The following ITPKA variants were observed in gnomAD, a reference collection of about 807,000 sequenced individuals.
ITPKA encodes IP3 3-kinase A.
Under a neutral mutation model 40.7 loss-of-function variants are expected in ITPKA, and 16 were observed. That is an observed-to-expected ratio of 0.39 (90% confidence interval 0.27 to 0.60). The LOEUF (loss-of-function observed/expected upper bound fraction) is 0.60, where lower values mean the gene tolerates loss of function less well. ITPKA is among the 20% of genes least tolerant of loss of function. ITPKA has a pLI of 0.50. For missense variants in ITPKA, 540 were observed against 649.3 expected (o/e 0.83, Z 1.83); for synonymous variants, 313 against 289.9 (o/e 1.08, Z -0.81).
chr15:41,502,595 C>T, intron 5 of ITPKA, 92 bp downstream of exon 5: 5 of 934,988 alleles, frequency 5.3e-6, no homozygotes, highest in Non-Finnish European at 8.5e-6. Context: ...GCTGTGTCCC[C>T]ACCATGGCCC....
rs2051140594 is a variant in ITPKA at position 41,503,455 on chromosome 15, T to C, written c.*289T>C. The C allele has an allele frequency of 1.6e-6, 1 of 622,988 alleles. No individual in the cohort carries two copies. Among genetic ancestry groups the C allele is most frequent in the Non-Finnish European group, 3.0e-6 (1 of 333,644 alleles). The allele number at this position is 622,988 out of a possible 1,614,324, so 38.6% of individuals were successfully genotyped here. A position where few individuals can be genotyped will look rare whatever the true frequency, so the allele number is the denominator to read the frequency against. Reference sequence around the variant, plus strand: ...GAGGAGGCTCTGCCCTCTCCAGAGGTGCCAGACCGCGGATTTTATTTAGCA... The same window carrying C: ...GAGGAGGCTCTGCCCTCTCCAGAGGCGCCAGACCGCGGATTTTATTTAGCA... On this transcript the variant is annotated 3_prime_UTR_variant, in exon 7 of 7. Transcript: ENST00000260386.
chr15:41,495,273 G>A (rs1340509186), intron 1 of ITPKA, among the ~76,000 whole-genome samples: 4 of 152,228 alleles, frequency 2.6e-5, no homozygotes, highest in African/African-American at 9.6e-5. Context: ...TTGAATAACT[G>A]TCCGTGGTCA....
In ITPKA at chr15:41,503,154, G is replaced by A. The variant is rs2051134810; in HGVS notation, c.1374G>A (p.Leu458=). ...LDNLIGILAS[L]AER is the part of the protein sequence containing the mutation. ...ATCTCATTGGCATCCTGGCCAGCCT[G>A]GCTGAGAGATGAGGCTGGACTCCTG... Residue 458 remains leucine, a synonymous_variant, in exon 7 of 7, where the codon CTG becomes CTA. Coordinates refer to ENST00000260386, the MANE Select transcript of ITPKA (RefSeq NM_002220.3). 3 of 1,586,014 alleles carry A rather than the reference G, an allele frequency of 1.9e-6. No homozygotes were observed. In the African/African-American group the frequency reaches 4.0e-5, roughly 21 times the overall value.
chr15:41,500,631 C>T (rs2051102919), intron 1 of ITPKA, among the ~76,000 whole-genome samples: 1 of 152,148 alleles, frequency 6.6e-6, no homozygotes, highest in Non-Finnish European at 1.5e-5. Flanking sequence ...ATAGTTATTT[C>T]CTCATTTTAT....
chr15:41,498,327 AGT>A (rs2140674028), intron 1 of ITPKA, among the ~76,000 whole-genome samples: 1 of 151,208 alleles, frequency 6.6e-6, no homozygotes, highest in African/African-American at 2.4e-5. Context: ...AAAAAAAAAA[AGT>A]ATTTTGTAAC....
In ITPKA at chr15:41,502,552, G is replaced by A. The variant is rs372997297; in HGVS notation, c.1110+49G>A. 56 of 1,158,262 alleles carry A rather than the reference G, an allele frequency of 4.8e-5. No homozygotes were observed. In the African/African-American group the frequency reaches 8.0e-4, roughly 17 times the overall value. The allele number at this position is 1,158,262 out of a possible 1,614,324, so 71.7% of individuals were successfully genotyped here. ...GAGGTGTTGGGGAGCCTGAAGCCGA[G>A]GACTGCCCCTGTCATCTGGCCCAGT... On this transcript the variant is annotated intron_variant, in intron 5 of 6. Coordinates refer to ENST00000260386, the MANE Select transcript of ITPKA (RefSeq NM_002220.3).
At position 41,502,052 on chromosome 15, in the gene ITPKA, G is replaced by C; in HGVS notation, c.859G>C (p.Asp287His). 2 of 1,613,410 alleles carry C rather than the reference G, an allele frequency of 1.2e-6. No individual in the cohort carries two copies. The highest frequency in any genetic ancestry group is 1.7e-6 in the Non-Finnish European group (2 of 1,179,966). Residue 287 changes from aspartate (D) to histidine (H), a missense_variant, in exon 4 of 7, where the codon GAC becomes CAC. Transcript: ENST00000260386. ...KARERPKLRK[D>H]MYKKMLAVDP... Reference sequence around the variant, plus strand: ...CCGTGAGCGGCCCAAGCTGCGGAAGGACATGTACAAGAAAATGCTGGCGGT... The same window carrying C: ...CCGTGAGCGGCCCAAGCTGCGGAAGCACATGTACAAGAAAATGCTGGCGGT...
chr15:41,495,765 A>G (rs1255037645), intron 1 of ITPKA, among the ~76,000 whole-genome samples: 1 of 152,240 alleles, frequency 6.6e-6, no homozygotes, highest in Non-Finnish European at 1.5e-5. Flanking sequence ...AAGCCTGAGC[A>G]GCAGCTCCCG....
At position 41,502,211 on chromosome 15, in the gene ITPKA, G is replaced by T; in HGVS notation, c.1008+10G>T. Reference sequence around the variant, plus strand: ...CATCGAGGGCATCAAGGTGAGGCAGGCGCGCTTCGCTGGCACCGCCGCAGC... The same window carrying T: ...CATCGAGGGCATCAAGGTGAGGCAGTCGCGCTTCGCTGGCACCGCCGCAGC... On this transcript the variant is annotated intron_variant, in intron 4 of 6. Coordinates refer to ENST00000260386, the MANE Select transcript of ITPKA (RefSeq NM_002220.3). The T allele has an allele frequency of 6.4e-7, 1 of 1,558,864 alleles. No homozygotes were observed. Among genetic ancestry groups the T allele is most frequent in the Non-Finnish European group, 8.7e-7 (1 of 1,150,480 alleles).
Position 41,494,445 on chromosome 15 carries a change from C to T in ITPKA, c.489+29C>T, listed in dbSNP as rs1595447059. On this transcript the variant is annotated intron_variant, in intron 1 of 6. Transcript: ENST00000260386. The surrounding 1 kb of genome is among the most constrained non-coding windows in gnomAD (Gnocchi z 7.8). ...CGGGCCGCGGGGGCGGGGCCAGCGCCGGGCGCGGGGGCTGCACGGGGGACC... is the reference window on the plus strand; with the variant it reads ...CGGGCCGCGGGGGCGGGGCCAGCGCTGGGCGCGGGGGCTGCACGGGGGACC... 6 of 1,372,930 alleles carry T rather than the reference C, an allele frequency of 4.4e-6. No individual in the cohort carries two copies. Among genetic ancestry groups the T allele is most frequent in the South Asian group, 1.6e-5 (1 of 63,408 alleles). 85.0% of individuals were successfully genotyped at this position (1,372,930 alleles called of 1,614,324 possible). A position where few individuals can be genotyped will look rare whatever the true frequency, so the allele number is the denominator to read the frequency against.
chr15:41,502,797 C>T lies in ITPKA; in HGVS notation c.1120C>T (p.Leu374=). The change falls in exon 6 of 7, where the codon CTG becomes TTG. Residue 374 remains leucine (L), a synonymous_variant. Coordinates refer to ENST00000260386, the MANE Select transcript of ITPKA (RefSeq NM_002220.3). ...QGDEEVLRRY[L]NRLQQIRDTL... ...ACCCCACCCTCTGCAGAGGCGGTAT[C>T]TGAACCGCCTGCAGCAGATCCGGGA... The T allele has an allele frequency of 6.2e-7, 1 of 1,609,884 alleles. No homozygotes were observed. Among genetic ancestry groups the T allele is most frequent in the Non-Finnish European group, 8.5e-7 (1 of 1,177,816 alleles).
chr15:41,500,023 C>T (rs140582381), intron 1 of ITPKA, among the ~76,000 whole-genome samples: 1,824 of 152,166 alleles, frequency 0.012, 25 homozygotes, highest in African/African-American at 0.029. Flanking sequence ...TGCAGTGGCT[C>T]GATCACAGCT....
At chr15:41,495,235 C>A (rs1299184581) in intron 1 of ITPKA, among the ~76,000 whole-genome samples, 2 of 152,236 alleles carry the variant, frequency 1.3e-5, no homozygotes, top group East Asian at 3.8e-4. Context: ...CCTCCTTGTT[C>A]CCCTCGTTTT....
rs945683814 is a variant in ITPKA, at chr15:41,501,867, C to G, written c.803+16C>G. On this transcript the variant is annotated intron_variant, in intron 3 of 6. Transcript: ENST00000260386. Reference sequence around the variant, plus strand: ...TGGGCGTCAGGTATGCGTGCCCTGCCAGGTCGGTTGGGGGGATCAAGTAGG... The same window carrying G: ...TGGGCGTCAGGTATGCGTGCCCTGCGAGGTCGGTTGGGGGGATCAAGTAGG... 6 of 1,610,260 alleles carry G rather than the reference C, an allele frequency of 3.7e-6. No individual in the cohort carries two copies. The African/African-American group carries it at 6.7e-5, about 18-fold the overall frequency.
rs781426159 is a variant in ITPKA, at chr15:41,502,411, G to T, written c.1018G>T (p.Gly340Cys). The stretch of plus-strand genomic sequence containing the variant: ...CCTGTCCCACATCCAGAAAGCGGAC[G>T]GCTCCTGCAGCACCGACTTCAAGAC... ...FRIEGIKKADGSCSTDFKTTR... is the reference protein window; with the variant it reads ...FRIEGIKKADCSCSTDFKTTR... The change falls in exon 5 of 7, where the codon GGC becomes TGC. Residue 340 changes from glycine to cysteine, a missense_variant. Transcript: ENST00000260386. 6.3e-7 allele frequency: 1 copy of T among 1,597,396 alleles called. No homozygotes were observed. Among genetic ancestry groups the T allele is most frequent in the Non-Finnish European group, 8.6e-7 (1 of 1,166,046 alleles).
intron 1 of ITPKA, among the ~76,000 whole-genome samples, chr15:41,501,033 A>T (rs930834186): frequency 9.2e-5 from 12 of 130,130 alleles, no homozygotes; most frequent in Non-Finnish European, 1.7e-4. Flanking sequence ...AAAAAAAAAA[A>T]ATGGCCCTAC....
In ITPKA at chr15:41,503,498, C is replaced by T. The variant is rs2051141782; in HGVS notation, c.*332C>T. The T allele has an allele frequency of 1.6e-6, 1 of 612,234 alleles. No homozygotes were observed. The highest frequency in any genetic ancestry group is 3.1e-6 in the Non-Finnish European group (1 of 321,460). 37.9% of individuals were successfully genotyped at this position (612,234 alleles called of 1,614,324 possible). A position where few individuals can be genotyped will look rare whatever the true frequency, so the allele number is the denominator to read the frequency against. Reference sequence around the variant, plus strand: ...ATTTAGCAAGCCCAGACCTTCCGGTCTAACGTCTCACACCACGACGGACTC... The same window carrying T: ...ATTTAGCAAGCCCAGACCTTCCGGTTTAACGTCTCACACCACGACGGACTC... On this transcript the variant is annotated 3_prime_UTR_variant, in exon 7 of 7. Transcript: ENST00000260386.
chr15:41,500,833 C>A (rs539006150), intron 1 of ITPKA, among the ~76,000 whole-genome samples: 1 of 151,884 alleles, frequency 6.6e-6, no homozygotes, highest in Admixed American at 6.6e-5. Flanking sequence ...TATGGTGAAA[C>A]CCTGTCTCTA....
intron 1 of ITPKA, among the ~76,000 whole-genome samples, chr15:41,495,260 ACCTTGAATAACTGT>A (rs1455972040): frequency 1.3e-5 from 2 of 152,038 alleles, no homozygotes; most frequent in East Asian, 3.9e-4. Context: ...AAGGCCAAAT[ACCTTGAATAACTGT>A]CCGTGGTCAG....
Sources: gnomAD v4.1 joint callset for allele counts (sites outside exome capture counted in the v4.1 genomes callset) on GRCh38, gnomAD v4.1.1 for gene constraint, Gnocchi (gnomAD v3.1) non-coding constraint, MANE v1.5 for transcripts, NCBI Gene and HGNC (gene_info 2026-07-23, HGNC 2026-07-21) for gene names.